Variants in FAM20B observed in about 807,000 individuals in gnomAD.
FAM20B encodes glycosaminoglycan xylosylkinase.
FAM20B carries 23 observed loss-of-function variants against 43.8 expected under a neutral mutation model. The observed-to-expected ratio is 0.53, with a 90% CI of 0.38 to 0.74. The LOEUF (loss-of-function observed/expected upper bound fraction) is 0.74. Among genes scored for constraint, FAM20B ranks in the 30% least tolerant of loss-of-function variants. FAM20B has a pLI of 0.00. For missense variants in FAM20B, 440 were observed against 510.5 expected, an observed-to-expected ratio of 0.86 and a Z score of 1.33; for synonymous variants, 178 against 192.4, an observed-to-expected ratio of 0.93 and a Z score of 0.62.
Position 179,071,184 on chromosome 1 carries a change from T to A in FAM20B, c.999-729T>A, listed in dbSNP as rs542693462. On this transcript the variant is annotated intron_variant, in intron 7 of 7. Coordinates refer to ENST00000263733, the MANE Select transcript of FAM20B (RefSeq NM_014864.4). ...GGTGGCGGGTGCCTGTAGTCCCAGC[T>A]ACTCAGGAGGCTGAGGCAGGAGAAT... 3.3e-5 allele frequency among the ~76,000 whole-genome samples: 5 copies of A among 151,908 alleles called. No individual in the cohort carries two copies. The East Asian group carries it at 7.8e-4, about 24-fold the overall frequency.
the FAM20B span, among the ~76,000 whole-genome samples, chr1:179,019,489 T>A: frequency 6.8e-6 from 1 of 147,448 alleles, no homozygotes; most frequent in African/African-American, 2.6e-5. Flanking sequence ...TGAGATGGAG[T>A]TTTGCTCTTG....
At chr1:179,048,919 C>A (rs1650886130) in intron 2 of FAM20B, among the ~76,000 whole-genome samples, 1 of 152,186 alleles carries the variant, frequency 6.6e-6, no homozygotes, top group Admixed American at 6.5e-5. Flanking sequence ...CTGTTTTCCA[C>A]TTCCCTATTG....
rs1421843810 is a variant in FAM20B at position 179,026,075 on chromosome 1, T to C, written c.-157T>C. The C allele has an allele frequency of 1.8e-5, 2 of 113,030 alleles. No homozygotes were observed. The highest frequency in any genetic ancestry group is 3.6e-5 in the Non-Finnish European group (2 of 56,198). The allele number at this position is 113,030 out of a possible 1,614,324, so 7.0% of individuals were successfully genotyped here. A position where few individuals can be genotyped will look rare whatever the true frequency, so the allele number is the denominator to read the frequency against. On this transcript the variant is annotated 5_prime_UTR_variant, in exon 1 of 8. The change abolishes an upstream ATG in the 5' untranslated region. Transcript: ENST00000263733. Reference sequence around the variant, plus strand: ...CCGCACCGCACCGCGCGGGCGGCCATGGAGCGAGCCTAGGGCCCGACAGGT... The same window carrying C: ...CCGCACCGCACCGCGCGGGCGGCCACGGAGCGAGCCTAGGGCCCGACAGGT...
intron 4 of FAM20B, among the ~76,000 whole-genome samples, 181 bp downstream of exon 4, chr1:179,054,819 T>C (rs1229149404): frequency 1.3e-5 from 2 of 152,192 alleles, no homozygotes; most frequent in African/African-American, 2.4e-5. Flanking sequence ...TGGCAGGAAA[T>C]TGAAATTTTC....
intron 1 of FAM20B, among the ~76,000 whole-genome samples, chr1:179,041,601 CAGAG>C (rs1650537306): frequency 1.5e-5 from 2 of 133,692 alleles, no homozygotes; most frequent in African/African-American, 3.0e-5. Flanking sequence ...GGCTCGGCAT[CAGAG>C]GGAGACCGTG....
rs1652093652 is a variant in FAM20B, at chr1:179,075,524, A to G, written c.*3380A>G. 1 of 152,606 alleles carries G rather than the reference A, an allele frequency of 6.6e-6. No homozygotes were observed. Among genetic ancestry groups the G allele is most frequent in the South Asian group, 2.1e-4 (1 of 4,828 alleles). The allele number at this position is 152,606 out of a possible 1,614,324, so 9.5% of individuals were successfully genotyped here. On this transcript the variant is annotated 3_prime_UTR_variant, in exon 8 of 8. Coordinates refer to ENST00000263733, the MANE Select transcript of FAM20B (RefSeq NM_014864.4). ...TTGTGGGTTTGGGGGAAATGTAAAT[A>G]ATTTTCTGTGTAAAACAAATTCATA...
At chr1:179,054,429 C>A in intron 3 of FAM20B, 100 bp from the exon 4 acceptor site, 2 of 699,880 alleles carry the variant, frequency 2.9e-6, no homozygotes, top group East Asian at 2.6e-5. Context: ...AGCTAAAAAC[C>A]CTTTACACAT....
In FAM20B at chr1:179,037,218, T is replaced by C. The variant is rs192240375; in HGVS notation, c.-133-6497T>C. 4.6e-5 allele frequency among the ~76,000 whole-genome samples: 7 copies of C among 152,252 alleles called. No individual in the cohort carries two copies. In the East Asian group the frequency reaches 1.4e-3, roughly 29 times the overall value. ...GCTCAGGCATCAGTTCTTTCTGTGG[T>C]CCAAAAGAAGGTGATGAGCACTGAA... On this transcript the variant is annotated intron_variant, in intron 1 of 7. Coordinates refer to ENST00000263733, the MANE Select transcript of FAM20B (RefSeq NM_014864.4).
In FAM20B at chr1:179,054,561, T is replaced by C. The variant is rs1651132755; in HGVS notation, c.497T>C (p.Val166Ala). 1.9e-6 allele frequency: 3 copies of C among 1,613,308 alleles called. No homozygotes were observed. The highest frequency in any genetic ancestry group is 2.7e-5 in the African/African-American group (2 of 75,016). Reference sequence around the variant, plus strand: ...GGTTTCCACCGAGCCCCCTTGGTAGTTGGCAGATTTGTTAATCTTCGGACA... The same window carrying C: ...GGTTTCCACCGAGCCCCCTTGGTAGCTGGCAGATTTGTTAATCTTCGGACA... ...ILGFHRAPLVVGRFVNLRTEI... is the reference protein window; with the variant it reads ...ILGFHRAPLVAGRFVNLRTEI... Residue 166 changes from valine to alanine, a missense_variant, in exon 4 of 8, where the codon GTT becomes GCT. Physicochemically the swap from Val to Ala is moderately conservative, Grantham distance 64 (BLOSUM62 0). Coordinates refer to ENST00000263733, the MANE Select transcript of FAM20B (RefSeq NM_014864.4).
At chr1:179,058,979 GGGA>G (rs566183962) in intron 4 of FAM20B, among the ~76,000 whole-genome samples, 45 of 152,190 alleles carry the variant, frequency 3.0e-4, no homozygotes, top group Non-Finnish European at 5.0e-4. Flanking sequence ...AGCATATTTA[GGGA>G]GGTGGAGCAG....
rs766299130 is a variant in FAM20B at position 179,036,434 on chromosome 1, C to T, written c.-133-7281C>T. Among the ~76,000 whole-genome samples the T allele has an allele frequency of 1.3e-4, 20 of 152,190 alleles. 1 individual carries two copies. Among genetic ancestry groups the T allele is most frequent in the Non-Finnish European group, 2.6e-4 (18 of 68,042 alleles). On this transcript the variant is annotated intron_variant, in intron 1 of 7. Transcript: ENST00000263733. ...AATAAATGACCGTAATATAACTGGA[C>T]ATTGTTGCACTGTTTGAAGCATGTA...
At chr1:179,045,912 CA>C (rs748722949) in intron 2 of FAM20B, among the ~76,000 whole-genome samples, 2 of 149,212 alleles carry the variant, frequency 1.3e-5, no homozygotes, top group Non-Finnish European at 3.0e-5. Context: ...AACCAAAAAA[CA>C]AAAAAAAACC....
chr1:179,068,086 G>A (rs564003580), intron 7 of FAM20B, among the ~76,000 whole-genome samples: 9 of 152,180 alleles, frequency 5.9e-5, no homozygotes, highest in African/African-American at 1.2e-4. Flanking sequence ...TTTAGAGCAC[G>A]CACATCAAGA....
chr1:179,026,458 C>T (rs1029137596), intron 1 of FAM20B, among the ~76,000 whole-genome samples: 1 of 152,168 alleles, frequency 6.6e-6, no homozygotes, highest in African/African-American at 2.4e-5. Flanking sequence ...TAGTGACCGT[C>T]TCTCGTCCCC....
intron 1 of FAM20B, among the ~76,000 whole-genome samples, chr1:179,036,787 T>TTCGGCC (rs747390253): frequency 4.9e-4 from 75 of 152,308 alleles, no homozygotes; most frequent in Non-Finnish European, 9.6e-4. Flanking sequence ...CAAGGCCGAA[T>TTCGGCC]GTAGTTAAGT....
At chr1:179,066,741 G>A in intron 6 of FAM20B, 59 bp from the exon 7 acceptor site, 1 of 1,157,380 alleles carries the variant, frequency 8.6e-7, no homozygotes, top group Non-Finnish European at 1.3e-6. Context: ...CTATTGCTTT[G>A]ATGCTAAGAA....
At chr1:179,041,198 C>A (rs867457356) in intron 1 of FAM20B, among the ~76,000 whole-genome samples, 12 of 151,952 alleles carry the variant, frequency 7.9e-5, no homozygotes, top group South Asian at 2.1e-4. Flanking sequence ...AGGGGCTCCT[C>A]ACATCCCAGA....
Position 179,043,879 on chromosome 1 carries a change from C to T in FAM20B, c.32C>T (p.Ala11Val). 6.2e-7 allele frequency: 1 copy of T among 1,607,638 alleles called. No individual in the cohort carries two copies. Among genetic ancestry groups the T allele is most frequent in the Non-Finnish European group, 8.5e-7 (1 of 1,174,548 alleles). Residue 11 changes from alanine (A) to valine (V), a missense_variant, in exon 2 of 8, where the codon GCA (alanine) becomes GTA (valine). Coordinates refer to ENST00000263733, the MANE Select transcript of FAM20B (RefSeq NM_014864.4). ...CTAAAGCAGCGAGTCGTGCTGTTAG[C>T]AATTCTCCTTGTCATTTTTATCTTC... The part of the protein sequence containing the change: MKLKQRVVLL[A>V]ILLVIFIFTK...
At chr1:179,064,194 G>C in intron 5 of FAM20B, 96 bp downstream of exon 5, 1 of 1,418,354 alleles carries the variant, frequency 7.1e-7, no homozygotes. Context: ...AGAGTGAAAA[G>C]AACTGTGGAG....
Sources: gnomAD v4.1 joint callset for allele counts (sites outside exome capture counted in the v4.1 genomes callset) on GRCh38, gnomAD v4.1.1 for gene constraint, MANE v1.5 for transcripts, NCBI Gene and HGNC (gene_info 2026-07-23, HGNC 2026-07-21) for gene names.